Variants in PGR observed in about 807,000 individuals in gnomAD.
PGR encodes the protein progesterone receptor.
PGR carries 25 observed loss-of-function variants against 76.1 expected under a neutral mutation model. That is an observed-to-expected ratio of 0.33 (90% CI 0.24 to 0.46). PGR has a LOEUF of 0.46. Among genes scored for constraint, PGR ranks in the 20% least tolerant of loss-of-function variants. The pLI is 1.00. For synonymous variants in PGR, 579 were observed against 535.0 expected, an observed-to-expected ratio of 1.08 and a Z score of -1.14; for missense variants, 1,172 against 1,225.3, an observed-to-expected ratio of 0.96 and a Z score of 0.65.
At chr11:101,101,734 A>G (rs948295676) in intron 2 of PGR, among the ~76,000 whole-genome samples, 65 of 152,232 alleles carry the variant, frequency 4.3e-4, no homozygotes, top group Admixed American at 2.4e-3. Flanking sequence ...GACTTATAAA[A>G]ATGTAAAACA....
At position 101,031,590 on chromosome 11, in the gene PGR, C is replaced by CTTTT; in HGVS notation, c.*7522_*7525dup. ...TCACAATGTTCTACTGAGAATTTAGCTTTTTTTTTTTTTTTGGAGTGGGTA... is the reference window on the plus strand; with the variant it reads ...TCACAATGTTCTACTGAGAATTTAGCTTTTTTTTTTTTTTTTTTTGGAGTGGGTA... On this transcript the variant is annotated 3_prime_UTR_variant, in exon 8 of 8. Coordinates refer to ENST00000325455, the MANE Select transcript of PGR (RefSeq NM_000926.4). 5.4e-6 allele frequency: 1 copy of CTTTT among 185,748 alleles called. No individual in the cohort carries two copies. Among genetic ancestry groups the CTTTT allele is most frequent in the Non-Finnish European group, 1.1e-5 (1 of 92,282 alleles). 11.5% of individuals were successfully genotyped at this position (185,748 alleles called of 1,614,324 possible).
intron 2 of PGR, among the ~76,000 whole-genome samples, chr11:101,125,222 A>G (rs193167071): frequency 1.4e-3 from 218 of 152,110 alleles, no homozygotes; most frequent in African/African-American, 4.9e-3. Context: ...TTGGCTGCTT[A>G]GACTTTAGGT....
chr11:101,117,591 A>T (rs757858886), intron 2 of PGR, among the ~76,000 whole-genome samples: 3 of 151,896 alleles, frequency 2.0e-5, no homozygotes, highest in Non-Finnish European at 4.4e-5. Context: ...ATCTTTCCAT[A>T]CTTTTAGGTT....
intron 2 of PGR, among the ~76,000 whole-genome samples, chr11:101,116,565 C>G (rs1862516875): frequency 1.3e-5 from 2 of 151,966 alleles, no homozygotes; most frequent in Non-Finnish European, 2.9e-5. Context: ...CACGGTGAAA[C>G]CCTGTCTCTA....
chr11:101,052,454 C>T (rs557090217), intron 4 of PGR, among the ~76,000 whole-genome samples: 1 of 152,050 alleles, frequency 6.6e-6, no homozygotes, highest in African/African-American at 2.4e-5. Flanking sequence ...CCATGTCTTC[C>T]CAATTCTCAA....
At chr11:101,042,246 T>A in intron 6 of PGR, 144 bp from the exon 7 acceptor site, 1 of 716,452 alleles carries the variant, frequency 1.4e-6, no homozygotes, top group Non-Finnish European at 2.3e-6. Context: ...AGAGATAGTG[T>A]TATTGATATC....
In PGR at chr11:101,035,659, A is replaced by G. The variant is rs1328723304; in HGVS notation, c.*3457T>C. Reference sequence around the variant, plus strand: ...ACTTAAAAATGTTAAAATCAGTGTCATTATTTTAAAATGTCTACAATGGAA... The same window carrying G: ...ACTTAAAAATGTTAAAATCAGTGTCGTTATTTTAAAATGTCTACAATGGAA... On this transcript the variant is annotated 3_prime_UTR_variant, in exon 8 of 8. Transcript: ENST00000325455. 1 of 231,692 alleles carries G rather than the reference A, an allele frequency of 4.3e-6. No homozygotes were observed. 14.4% of individuals were successfully genotyped at this position (231,692 alleles called of 1,614,324 possible). A position where few individuals can be genotyped will look rare whatever the true frequency, so the allele number is the denominator to read the frequency against.
intron 3 of PGR, among the ~76,000 whole-genome samples, chr11:101,081,025 G>A (rs1443649314): frequency 6.6e-6 from 1 of 152,126 alleles, no homozygotes; most frequent in Non-Finnish European, 1.5e-5. Context: ...CAGAAAGTAG[G>A]AGAAAAAGAA....
In PGR at chr11:101,032,452, T is replaced by TATCTAGACCTGGCTTTTTTCTTC. The variant is rs1273187223; in HGVS notation, c.*6663_*6664insGAAGAAAAAAGCCAGGTCTAGAT. ...TAACATGGTGTACAAGGCCACTGAT[T>TATCTAGACCTGGCTTTTTTCTTC]ATCTAGACCTGGCTTTCTTCTTCAG... is the stretch of plus-strand genomic sequence containing the variant. On this transcript the variant is annotated 3_prime_UTR_variant, in exon 8 of 8. Coordinates refer to ENST00000325455, the MANE Select transcript of PGR (RefSeq NM_000926.4). 2 of 232,524 alleles carry TATCTAGACCTGGCTTTTTTCTTC rather than the reference T, an allele frequency of 8.6e-6. No individual in the cohort carries two copies. Among genetic ancestry groups the TATCTAGACCTGGCTTTTTTCTTC allele is most frequent in the African/African-American group, 2.2e-5 (1 of 45,300 alleles). 14.4% of individuals were successfully genotyped at this position (232,524 alleles called of 1,614,324 possible).
intron 6 of PGR, among the ~76,000 whole-genome samples, chr11:101,047,597 C>G (rs1298012623): frequency 6.6e-6 from 1 of 152,088 alleles, no homozygotes; most frequent in Non-Finnish European, 1.5e-5. Flanking sequence ...ATCTGCACCC[C>G]CTAGCCATTT....
chr11:101,064,604 A>G lies in PGR; in HGVS notation c.1907-1852T>C, dbSNP rs540910743. On this transcript the variant is annotated intron_variant, in intron 3 of 7. Coordinates refer to ENST00000325455, the MANE Select transcript of PGR (RefSeq NM_000926.4). ...GAAGATAATGTTAAGAAGAGGGCTA[A>G]AGTTTCCCTGTCCATGACTATAATC... Among the ~76,000 whole-genome samples, 165 of 152,110 alleles carry G rather than the reference A, an allele frequency of 1.1e-3. 1 individual carries two copies. Among genetic ancestry groups the G allele is most frequent in the Non-Finnish European group, 1.9e-3 (126 of 67,974 alleles).
chr11:101,113,709 T>C (rs1862415314), intron 2 of PGR, among the ~76,000 whole-genome samples: 1 of 152,170 alleles, frequency 6.6e-6, no homozygotes, highest in South Asian at 2.1e-4. Flanking sequence ...TGGAGGTAAT[T>C]AAAACATGAG....
chr11:101,047,746 T>A (rs1189723117), intron 6 of PGR, among the ~76,000 whole-genome samples: 5 of 152,142 alleles, frequency 3.3e-5, no homozygotes. Flanking sequence ...GTTTGTACAT[T>A]TGAGGGCTGA....
chr11:101,109,251 T>C (rs1862270691), intron 2 of PGR, among the ~76,000 whole-genome samples: 1 of 152,174 alleles, frequency 6.6e-6, no homozygotes, highest in South Asian at 2.1e-4. Context: ...ATGTGTCACC[T>C]TAAATTAAAA....
At chr11:101,097,654 AT>A (rs773141706) in intron 2 of PGR, among the ~76,000 whole-genome samples, 61 of 152,028 alleles carry the variant, frequency 4.0e-4, no homozygotes, top group Non-Finnish European at 7.2e-4. Context: ...CTTGCTTCTG[AT>A]TTTTTACCAC....
At chr11:101,116,632 C>T (rs577984643) in intron 2 of PGR, among the ~76,000 whole-genome samples, 1 of 148,470 alleles carries the variant, frequency 6.7e-6, no homozygotes, top group South Asian at 2.2e-4. Context: ...CCCAGCTATT[C>T]GGGAGGCTGA....
At chr11:101,096,006 G>A (rs1310850570) in intron 2 of PGR, among the ~76,000 whole-genome samples, 1 of 152,174 alleles carries the variant, frequency 6.6e-6, no homozygotes. Flanking sequence ...GAGGTAGGAA[G>A]TCTGGTATGA....
chr11:101,127,740 G>A lies in PGR; in HGVS notation c.1331C>T (p.Ala444Val). 6.4e-7 allele frequency: 1 copy of A among 1,559,620 alleles called. No individual in the cohort carries two copies. Among genetic ancestry groups the A allele is most frequent in the Non-Finnish European group, 8.6e-7 (1 of 1,159,222 alleles). Residue 444 changes from alanine to valine, a missense_variant, in exon 1 of 8, where the codon GCC (alanine) becomes GTC (valine). Physicochemically the swap from Ala to Val is moderately conservative, Grantham distance 64 (BLOSUM62 0). Transcript: ENST00000325455. ...GGACGCAGACGAGACTGAGGCACTG[G>A]CGGGTGCGGCCGTCACCGCCGCTTC... The part of the protein sequence containing the change: ...PGEAAVTAAP[A>V]SASVSSASSS...
intron 2 of PGR, among the ~76,000 whole-genome samples, chr11:101,108,693 G>A (rs1249157612): frequency 6.6e-6 from 1 of 152,122 alleles, no homozygotes; most frequent in East Asian, 1.9e-4. Flanking sequence ...GGTATCTTTA[G>A]GAAAGTTAAC....
Sources: gnomAD v4.1 joint callset for allele counts (sites outside exome capture counted in the v4.1 genomes callset) on GRCh38, gnomAD v4.1.1 for gene constraint, MANE v1.5 for transcripts, NCBI Gene and HGNC (gene_info 2026-07-23, HGNC 2026-07-21) for gene names.